The following WDR7 variants were observed in gnomAD, a reference collection of about 807,000 sequenced individuals.
WDR7 encodes WD repeat domain 7.
WDR7 carries 46 observed loss-of-function variants against 169.4 expected under a neutral mutation model. The observed-to-expected ratio is 0.27, with a 90% CI of 0.21 to 0.35. WDR7 has a LOEUF of 0.35. Among genes scored for constraint, WDR7 ranks in the 10% least tolerant of loss-of-function variants. WDR7 has a pLI of 1.00. For missense variants in WDR7, 1,534 were observed against 1,859.3 expected (o/e 0.83, Z 3.22); for synonymous variants, 612 against 666.8 (o/e 0.92, Z 1.27).
intron 20 of WDR7, among the ~76,000 whole-genome samples, chr18:56,817,748 A>ATTTTTTTTTTTTTTTTTTTTTT (rs200886693): frequency 6.9e-6 from 1 of 144,120 alleles, no homozygotes; most frequent in Non-Finnish European, 1.5e-5. Flanking sequence ...TTCTTTGCAG[A>ATTTTTTTTTTTTTTTTTTTTTT]TTTTTTTTTT....
chr18:56,888,040 C>T (rs896393415), intron 21 of WDR7, among the ~76,000 whole-genome samples: 1 of 152,114 alleles, frequency 6.6e-6, no homozygotes, highest in African/African-American at 2.4e-5. Context: ...CATTAAGATA[C>T]AATATTTAAT....
At chr18:56,663,925 CT>C (rs2024965192) in intron 1 of WDR7, among the ~76,000 whole-genome samples, 1 of 151,632 alleles carries the variant, frequency 6.6e-6, no homozygotes, top group Non-Finnish European at 1.5e-5. Flanking sequence ...TTTCTTAGGG[CT>C]TTTTGGGCCT....
intron 21 of WDR7, among the ~76,000 whole-genome samples, chr18:56,904,765 C>A (rs1436508500): frequency 6.6e-6 from 1 of 152,174 alleles, no homozygotes; most frequent in African/African-American, 2.4e-5. Flanking sequence ...TTAGGAAACT[C>A]ACCTTCAATT....
At chr18:56,674,079 G>T (rs912923483) in intron 2 of WDR7, among the ~76,000 whole-genome samples, 1 of 152,108 alleles carries the variant, frequency 6.6e-6, no homozygotes, top group Non-Finnish European at 1.5e-5. Flanking sequence ...GCTGCTATGA[G>T]TATTACACAT....
intron 21 of WDR7, among the ~76,000 whole-genome samples, chr18:56,890,160 T>C (rs188640812): frequency 3.7e-4 from 56 of 152,304 alleles, no homozygotes; most frequent in African/African-American, 1.3e-3. Flanking sequence ...ATTATGACTT[T>C]TTAAAACAAT....
At chr18:56,775,021 T>C (rs1436350445) in intron 16 of WDR7, among the ~76,000 whole-genome samples, 1 of 152,146 alleles carries the variant, frequency 6.6e-6, no homozygotes, top group Non-Finnish European at 1.5e-5. Flanking sequence ...ACGCCTATTC[T>C]AGCATTTCTG....
chr18:56,788,729 A>G (rs2044440654), intron 19 of WDR7, among the ~76,000 whole-genome samples: 1 of 152,178 alleles, frequency 6.6e-6, no homozygotes, highest in Non-Finnish European at 1.5e-5. Context: ...CCCCTTTTGT[A>G]ATGCCTGTTT....
chr18:56,867,131 T>A (rs1432426988), intron 20 of WDR7, among the ~76,000 whole-genome samples: 1 of 152,108 alleles, frequency 6.6e-6, no homozygotes, highest in Non-Finnish European at 1.5e-5. Context: ...CTCAAGCGAT[T>A]CTCCCATCTC....
At chr18:57,013,157 T>TA (rs2048160303) in intron 26 of WDR7, among the ~76,000 whole-genome samples, 1 of 152,136 alleles carries the variant, frequency 6.6e-6, no homozygotes, top group African/African-American at 2.4e-5. Context: ...TAGATTCTCA[T>TA]AAGGAGGGCA....
chr18:56,779,653 G>T, intron 18 of WDR7, 104 bp downstream of exon 18: 2 of 824,402 alleles, frequency 2.4e-6, no homozygotes, highest in Non-Finnish European at 1.9e-6. Flanking sequence ...TTTATCATCT[G>T]TTCATTATGT....
chr18:56,759,996 C>G (rs1243462605), intron 16 of WDR7, among the ~76,000 whole-genome samples: 1 of 152,144 alleles, frequency 6.6e-6, no homozygotes, highest in Non-Finnish European at 1.5e-5. Flanking sequence ...TATGCCATTT[C>G]TATCCATCAT....
chr18:57,000,388 T>C (rs1297253151), intron 26 of WDR7, among the ~76,000 whole-genome samples: 1 of 152,176 alleles, frequency 6.6e-6, no homozygotes, highest in Non-Finnish European at 1.5e-5. Flanking sequence ...AAGCACGATA[T>C]AAAAATATTG....
Position 56,672,682 on chromosome 18 carries a change from T to C in WDR7, c.159+8T>C, listed in dbSNP as rs1312879014. ...CTTTCAGTAGAACTGCAAGTGAGTATGTGAAATGCCTATTATACATTTTAG... is the reference window on the plus strand; with the variant it reads ...CTTTCAGTAGAACTGCAAGTGAGTACGTGAAATGCCTATTATACATTTTAG... On this transcript the variant is annotated splice_region_variant and intron_variant, in intron 2 of 27. Transcript: ENST00000254442. 1.9e-6 allele frequency: 3 copies of C among 1,601,568 alleles called. No individual in the cohort carries two copies. Among genetic ancestry groups the C allele is most frequent in the Middle Eastern group, 1.7e-4 (1 of 6,008 alleles).
intron 14 of WDR7, among the ~76,000 whole-genome samples, chr18:56,744,434 G>A (rs980200897): frequency 4.6e-5 from 7 of 152,028 alleles, no homozygotes; most frequent in South Asian, 2.1e-4. Context: ...CCTGATGAGA[G>A]TGGTAGAGAT....
At chr18:56,768,267 G>A (rs921837377) in intron 16 of WDR7, among the ~76,000 whole-genome samples, 10 of 152,050 alleles carry the variant, frequency 6.6e-5, no homozygotes, top group African/African-American at 2.4e-4. Flanking sequence ...TTAAAAAAAA[G>A]CATTTATTTA....
intron 21 of WDR7, among the ~76,000 whole-genome samples, chr18:56,900,759 G>A (rs1282586281): frequency 6.6e-6 from 1 of 152,154 alleles, no homozygotes; most frequent in Non-Finnish European, 1.5e-5. Context: ...AGGGATGGGG[G>A]CTAGAGCTGA....
chr18:56,911,612 T>C (rs1312925180), intron 21 of WDR7, among the ~76,000 whole-genome samples: 1 of 152,200 alleles, frequency 6.6e-6, no homozygotes, highest in African/African-American at 2.4e-5. Context: ...ATCTGGGGTC[T>C]TTGACTGTGT....
intron 26 of WDR7, among the ~76,000 whole-genome samples, chr18:56,980,726 T>C (rs2047632021): frequency 6.6e-6 from 1 of 152,130 alleles, no homozygotes; most frequent in Admixed American, 6.6e-5. Context: ...GTAAGGGTTA[T>C]GGAGACATCA....
intron 20 of WDR7, among the ~76,000 whole-genome samples, chr18:56,831,860 G>A (rs374374014): frequency 2.0e-5 from 3 of 152,178 alleles, no homozygotes; most frequent in South Asian, 2.1e-4. Context: ...AGATTCCCTC[G>A]TGTGCCTACA....
Sources: allele counts gnomAD v4.1 joint callset (sites outside exome capture counted in the v4.1 genomes callset), GRCh38; gene constraint gnomAD v4.1.1; transcripts MANE v1.5; gene names NCBI Gene and HGNC (gene_info 2026-07-23, HGNC 2026-07-21).